Variants in ARB2A observed in about 807,000 individuals in gnomAD.
ARB2A encodes ARB2 cotranscriptional regulator A, also known as cotranscriptional regulator ARB2A.
At chr5:93,789,614 C>T in the ARB2A span, among the ~76,000 whole-genome samples, 1 of 152,214 alleles carries the variant, frequency 6.6e-6, no homozygotes, top group Non-Finnish European at 1.5e-5. Context: ...CTTTACACTT[C>T]TGCCTGCATA....
the ARB2A span, among the ~76,000 whole-genome samples, chr5:93,826,867 T>G: frequency 4.0e-5 from 6 of 151,454 alleles, no homozygotes; most frequent in Non-Finnish European, 7.4e-5. Flanking sequence ...GTCCTTGTGA[T>G]AGTTTGCTAA....
the ARB2A span, among the ~76,000 whole-genome samples, chr5:93,889,289 T>C: frequency 6.6e-6 from 1 of 151,854 alleles, no homozygotes; most frequent in Non-Finnish European, 1.5e-5. Flanking sequence ...TGTTTGTGCG[T>C]GTGTGCATGT....
At chr5:93,872,931 G>A in the ARB2A span, among the ~76,000 whole-genome samples, 1 of 151,220 alleles carries the variant, frequency 6.6e-6, no homozygotes, top group Admixed American at 6.6e-5. Flanking sequence ...AAAAAAGAAA[G>A]AAAAAAAATA....
the ARB2A span, among the ~76,000 whole-genome samples, chr5:93,764,140 T>C: frequency 6.6e-6 from 1 of 152,196 alleles, no homozygotes; most frequent in South Asian, 2.1e-4. Context: ...TTAAAAGAAC[T>C]AGAGAAGCAA....
the ARB2A span, among the ~76,000 whole-genome samples, chr5:93,631,074 A>G: frequency 4.0e-5 from 6 of 151,896 alleles, no homozygotes; most frequent in African/African-American, 9.7e-5. Flanking sequence ...TAGTAGAGAC[A>G]GGGTTTCTCC....
the ARB2A span, among the ~76,000 whole-genome samples, chr5:93,850,155 T>C: frequency 6.6e-6 from 1 of 152,204 alleles, no homozygotes; most frequent in Non-Finnish European, 1.5e-5. Context: ...AGTAACCACA[T>C]ACATACAAAT....
At chr5:93,877,595 G>T in the ARB2A span, among the ~76,000 whole-genome samples, 2 of 152,114 alleles carry the variant, frequency 1.3e-5, no homozygotes, top group Non-Finnish European at 2.9e-5. Context: ...GGGAGATCTA[G>T]TGGAGAGGCA....
chr5:93,938,526 A>G, the ARB2A span, among the ~76,000 whole-genome samples: 112 of 152,294 alleles, frequency 7.4e-4, no homozygotes, highest in African/African-American at 2.6e-3. Context: ...TTTTTGTCCA[A>G]AGTGAACACT....
At chr5:94,110,728 T>G in the ARB2A span, among the ~76,000 whole-genome samples, 5 of 152,256 alleles carry the variant, frequency 3.3e-5, no homozygotes, top group Admixed American at 6.5e-5. Context: ...TGTCATGTAC[T>G]ACATTAAAAA....
the ARB2A span, among the ~76,000 whole-genome samples, chr5:93,895,637 G>A: frequency 1.3e-5 from 2 of 151,976 alleles, no homozygotes; most frequent in Non-Finnish European, 2.9e-5. Flanking sequence ...ACATCATAAT[G>A]TGCTTTTATG....
the ARB2A span, chr5:93,806,032 C>A: frequency 1.3e-6 from 1 of 797,938 alleles, no homozygotes; most frequent in Non-Finnish European, 1.5e-6. Flanking sequence ...CATTCAGATA[C>A]GCAAATTTAA....
the ARB2A span, chr5:93,863,105 T>A: frequency 6.6e-6 from 1 of 151,890 alleles, no homozygotes; most frequent in South Asian, 2.1e-4. Context: ...GCAAGTGGCA[T>A]CTTGAGCAGG....
chr5:93,863,300 T>G, the ARB2A span: 3 of 151,992 alleles, frequency 2.0e-5, no homozygotes, highest in African/African-American at 7.3e-5. Context: ...TGGAGTCTCA[T>G]TCTGTCGCTC....
At chr5:93,961,342 A>AT in the ARB2A span, among the ~76,000 whole-genome samples, 1 of 152,146 alleles carries the variant, frequency 6.6e-6, no homozygotes, top group Non-Finnish European at 1.5e-5. Flanking sequence ...AACTCAGTCA[A>AT]TTTTTTAAGC....
At chr5:93,861,376 C>T in the ARB2A span, 4 of 148,874 alleles carry the variant, frequency 2.7e-5, no homozygotes, top group East Asian at 2.0e-4. Flanking sequence ...ACTTCCTCCA[C>T]GAAACTTGCC....
At chr5:93,902,993 T>C in the ARB2A span, among the ~76,000 whole-genome samples, 2 of 152,116 alleles carry the variant, frequency 1.3e-5, no homozygotes, top group African/African-American at 4.8e-5. Flanking sequence ...CTATTATTAC[T>C]ATAGGCCATT....
the ARB2A span, chr5:93,860,649 C>CTTTTTTTTTTTTTTTTT: frequency 7.3e-6 from 1 of 136,436 alleles, no homozygotes; most frequent in Non-Finnish European, 1.6e-5. Flanking sequence ...TTGTTTCTTT[C>CTTTTTTTTTTTTTTTTT]TTTTTTTTTT....
the ARB2A span, among the ~76,000 whole-genome samples, chr5:94,043,345 T>A: frequency 2.0e-5 from 3 of 152,238 alleles, no homozygotes; most frequent in Non-Finnish European, 4.4e-5. Flanking sequence ...ATTTTAGCAA[T>A]TGAGTAAAGT....
chr5:93,922,634 G>T, the ARB2A span, among the ~76,000 whole-genome samples: 1 of 95,996 alleles, frequency 1.0e-5, no homozygotes, highest in Admixed American at 1.1e-4. Flanking sequence ...GAGGGGAAAA[G>T]AAAGAAAGGG....
Sources: allele counts gnomAD v4.1 joint callset (sites outside exome capture counted in the v4.1 genomes callset), GRCh38; gene constraint gnomAD v4.1.1; transcripts MANE v1.5; gene names NCBI Gene and HGNC (gene_info 2026-07-23, HGNC 2026-07-21).